KCTD8: variants seen among roughly 807,000 people sequenced by gnomAD.
KCTD8 encodes the protein BTB/POZ domain-containing protein KCTD8.
In KCTD8, 27 loss-of-function variants were observed where a neutral mutation model predicts 31.5. The ratio of observed to expected loss-of-function variants is 0.86; its 90% CI spans 0.63 to 1.18. KCTD8 has a LOEUF of 1.18. Ranked by LOEUF, KCTD8 falls within the 50% of genes most tolerant of loss-of-function variation. KCTD8 has a pLI of 0.00. For missense variants in KCTD8, 658 were observed against 647.7 expected (o/e 1.02, Z -0.17); for synonymous variants, 290 against 280.0 (o/e 1.04, Z -0.36).
intron 1 of KCTD8, among the ~76,000 whole-genome samples, chr4:44,439,958 G>T (rs1380804702): frequency 2.0e-5 from 3 of 150,132 alleles, no homozygotes; most frequent in Non-Finnish European, 4.4e-5. Context: ...TTTTGACAGA[G>T]TCTCACTCTG....
chr4:44,369,723 G>A (rs1719734553), intron 1 of KCTD8, among the ~76,000 whole-genome samples: 1 of 152,074 alleles, frequency 6.6e-6, no homozygotes, highest in Non-Finnish European at 1.5e-5. Flanking sequence ...CCTTCAGCCA[G>A]GGGGGTTGTG....
chr4:44,407,407 G>A (rs1720827263), intron 1 of KCTD8, among the ~76,000 whole-genome samples: 1 of 143,228 alleles, frequency 7.0e-6, no homozygotes, highest in African/African-American at 2.6e-5. Context: ...TTTTTTTGGA[G>A]ATACAGTTTC....
intron 1 of KCTD8, among the ~76,000 whole-genome samples, chr4:44,398,896 A>G (rs1205431668): frequency 6.6e-6 from 1 of 152,180 alleles, no homozygotes; most frequent in Non-Finnish European, 1.5e-5. Context: ...TGTGAGTTGA[A>G]GTCATACAAT....
chr4:44,415,706 G>T (rs1364751293), intron 1 of KCTD8, among the ~76,000 whole-genome samples: 1 of 152,200 alleles, frequency 6.6e-6, no homozygotes, highest in Admixed American at 6.5e-5. Context: ...TTTCTACTCG[G>T]TGTTAAGCCT....
At chr4:44,396,766 C>T (rs1341972271) in intron 1 of KCTD8, among the ~76,000 whole-genome samples, 7 of 152,096 alleles carry the variant, frequency 4.6e-5, no homozygotes, top group East Asian at 1.9e-4. Context: ...TGTGCAGGAA[C>T]GGCCTCATCA....
chr4:44,344,577 T>G (rs1490260281), intron 1 of KCTD8, among the ~76,000 whole-genome samples: 1 of 152,166 alleles, frequency 6.6e-6, no homozygotes, highest in Non-Finnish European at 1.5e-5. Context: ...CAGGATTAGA[T>G]TTAGTTCCAA....
intron 1 of KCTD8, among the ~76,000 whole-genome samples, chr4:44,439,366 T>C (rs1486818913): frequency 6.6e-6 from 1 of 152,114 alleles, no homozygotes; most frequent in Non-Finnish European, 1.5e-5. Context: ...AAAAGCAGGG[T>C]TTAATGAGAG....
intron 1 of KCTD8, among the ~76,000 whole-genome samples, chr4:44,218,033 C>T (rs1019244102): frequency 3.9e-5 from 6 of 151,964 alleles, no homozygotes; most frequent in Admixed American, 3.9e-4. Flanking sequence ...AGTTCTGTCC[C>T]TCTGCAGGAC....
At chr4:44,237,795 A>C (rs1454940772) in intron 1 of KCTD8, among the ~76,000 whole-genome samples, 4 of 152,196 alleles carry the variant, frequency 2.6e-5, no homozygotes, top group African/African-American at 9.7e-5. Context: ...TTGAGGAGGC[A>C]CATCATAGGA....
chr4:44,341,298 G>A lies in KCTD8; in HGVS notation c.961+106265C>T, dbSNP rs1462771636. 3.3e-5 allele frequency among the ~76,000 whole-genome samples: 5 copies of A among 152,210 alleles called. No individual in the cohort carries two copies. The South Asian group carries it at 6.2e-4, about 19-fold the overall frequency. On this transcript the variant is annotated intron_variant, in intron 1 of 1. Coordinates refer to ENST00000360029, the MANE Select transcript of KCTD8 (RefSeq NM_198353.3). ...CCTTGCCTAGATGTTGATGGGTGCA[G>A]ACTGAGAAGGGTGGTGTTTGCAGAA... is the stretch of plus-strand genomic sequence containing the variant.
chr4:44,300,586 T>A (rs1356453006), intron 1 of KCTD8, among the ~76,000 whole-genome samples: 1 of 152,146 alleles, frequency 6.6e-6, no homozygotes, highest in Non-Finnish European at 1.5e-5. Flanking sequence ...AAAAGAATAA[T>A]CAGCTTTGCA....
chr4:44,437,804 C>T (rs187253405), intron 1 of KCTD8, among the ~76,000 whole-genome samples: 1 of 150,520 alleles, frequency 6.6e-6, no homozygotes, highest in Admixed American at 6.6e-5. Flanking sequence ...AAGTAAAGAA[C>T]CACAAAATAA....
chr4:44,436,208 G>T (rs956735997), intron 1 of KCTD8, among the ~76,000 whole-genome samples: 3 of 152,008 alleles, frequency 2.0e-5, no homozygotes, highest in Admixed American at 1.3e-4. Context: ...AAAAGAAGTT[G>T]AATATAGTCA....
At chr4:44,418,146 T>C (rs1292867762) in intron 1 of KCTD8, among the ~76,000 whole-genome samples, 1 of 151,778 alleles carries the variant, frequency 6.6e-6, no homozygotes, top group Non-Finnish European at 1.5e-5. Flanking sequence ...ATGGAGAAAA[T>C]TGGGAGAGGC....
intron 1 of KCTD8, among the ~76,000 whole-genome samples, chr4:44,407,559 T>C (rs1560447359): frequency 6.6e-6 from 1 of 152,064 alleles, no homozygotes; most frequent in African/African-American, 2.4e-5. Flanking sequence ...GCTAATTTTG[T>C]ATTTTTAGTA....
intron 1 of KCTD8, among the ~76,000 whole-genome samples, chr4:44,246,401 G>A (rs1368937333): frequency 6.6e-6 from 1 of 151,928 alleles, no homozygotes; most frequent in East Asian, 1.9e-4. Context: ...TTTATGTACG[G>A]TTTTTAACCC....
chr4:44,304,177 T>G (rs934609709), intron 1 of KCTD8, among the ~76,000 whole-genome samples: 2 of 152,084 alleles, frequency 1.3e-5, no homozygotes, highest in Non-Finnish European at 2.9e-5. Context: ...ATTTTCCCCA[T>G]CAAAGCTTTT....
chr4:44,269,683 CAA>C (rs1182401312), intron 1 of KCTD8, among the ~76,000 whole-genome samples: 1 of 152,052 alleles, frequency 6.6e-6, no homozygotes, highest in African/African-American at 2.4e-5. Context: ...TGAACTCAAA[CAA>C]ATTTACAAGA....
chr4:44,241,917 A>G (rs1715466635), intron 1 of KCTD8, among the ~76,000 whole-genome samples: 1 of 152,216 alleles, frequency 6.6e-6, no homozygotes, highest in South Asian at 2.1e-4. Context: ...AAATATTGCT[A>G]TAATAATAAA....
Sources: gnomAD v4.1 joint callset for allele counts (sites outside exome capture counted in the v4.1 genomes callset) on GRCh38, gnomAD v4.1.1 for gene constraint, MANE v1.5 for transcripts, NCBI Gene and HGNC (gene_info 2026-07-23, HGNC 2026-07-21) for gene names.